The following CHEK2 variants were observed in gnomAD, a reference collection of about 807,000 sequenced individuals.
The protein encoded by CHEK2 is serine/threonine-protein kinase Chk2.
CHEK2 carries 71 observed loss-of-function variants against 69.1 expected under a neutral mutation model. That is an observed-to-expected ratio of 1.03 (90% CI 0.85 to 1.25). The LOEUF (loss-of-function observed/expected upper bound fraction) is 1.25. Among genes scored for constraint, CHEK2 ranks in the 50% most tolerant of loss-of-function variants. CHEK2 has a pLI of 0.00. For synonymous variants in CHEK2, 189 were observed against 226.9 expected (o/e 0.83, Z 1.50); for missense variants, 664 against 649.6 (o/e 1.02, Z -0.24).
At chr22:28,715,397 T>TTTTA (rs3029446) in intron 5 of CHEK2, among the ~76,000 whole-genome samples, 93,678 of 148,942 alleles carry the variant, frequency 0.63, 30,111 homozygotes, top group South Asian at 0.79. Context: ...TTATTTTTAT[T>TTTTA]TTTATTTATT....
At chr22:28,730,953 T>C (rs1283709911) in intron 2 of CHEK2, among the ~76,000 whole-genome samples, 1 of 152,136 alleles carries the variant, frequency 6.6e-6, no homozygotes, top group Non-Finnish European at 1.5e-5. Context: ...CCTGTAATCC[T>C]AACACTTTGG....
chr22:28,713,037 AT>A (rs1197482205), intron 5 of CHEK2, among the ~76,000 whole-genome samples: 1 of 152,156 alleles, frequency 6.6e-6, no homozygotes, highest in Non-Finnish European at 1.5e-5. Flanking sequence ...CTTTCTCTAA[AT>A]ATTGATTTGC....
Position 28,702,388 on chromosome 22 carries a change from A to G in CHEK2, c.908+1117T>C, listed in dbSNP as rs182075939. ...CGAGTAGCTGGGACTACAGGAGCCC[A>G]CCACCACACCCAGCTAATTTTTTGT... On this transcript the variant is annotated intron_variant, in intron 8 of 14. Transcript: ENST00000404276. Among the ~76,000 whole-genome samples, 821 of 149,734 alleles carry G rather than the reference A, an allele frequency of 5.5e-3. 10 individuals carry two copies. Among genetic ancestry groups the G allele is most frequent in the Non-Finnish European group, 7.5e-3 (503 of 67,488 alleles).
rs199585274 is a variant in CHEK2, at chr22:28,741,706, CA to C, written c.-7+62del. Reference sequence around the variant, plus strand: ...CGAAGCTCAGGAGACTCCGTTCGCACAAAACGCTTAAGATGGGATTCGAACC... The same window carrying C: ...CGAAGCTCAGGAGACTCCGTTCGCACAAACGCTTAAGATGGGATTCGAACC... On this transcript the variant is annotated intron_variant, in intron 1 of 14. Coordinates refer to ENST00000404276, the MANE Select transcript of CHEK2 (RefSeq NM_007194.4). 0.012 allele frequency: 2,834 copies of C among 245,694 alleles called. 40 individuals carry two copies. Among genetic ancestry groups the C allele is most frequent in the Non-Finnish European group, 0.013 (1,541 of 122,606 alleles). The allele number at this position is 245,694 out of a possible 1,614,324, so 15.2% of individuals were successfully genotyped here.
chr22:28,736,815 C>A (rs989209471), intron 1 of CHEK2, among the ~76,000 whole-genome samples: 1 of 133,098 alleles, frequency 7.5e-6, no homozygotes, highest in African/African-American at 2.9e-5. Flanking sequence ...TGATGGCATG[C>A]AGCTGTGGGC....
At chr22:28,741,690 G>C (rs2054560444) in intron 1 of CHEK2, 79 bp downstream of exon 1, 1 of 233,702 alleles carries the variant, frequency 4.3e-6, no homozygotes, top group African/African-American at 2.3e-5. Context: ...GCGAAGCTCA[G>C]GAGACTCCGT....
At chr22:28,722,539 C>CAAAAAAAA (rs755107963) in intron 4 of CHEK2, among the ~76,000 whole-genome samples, 5 of 67,922 alleles carry the variant, frequency 7.4e-5, no homozygotes, top group South Asian at 5.1e-4. Flanking sequence ...GACTCCGTCT[C>CAAAAAAAA]AAAAAAAAAA....
At position 28,719,477 on chromosome 22, in the gene CHEK2, AG is replaced by A. The variant is rs1555924538; in HGVS notation, c.600del (p.Phe202LeufsTer3). ...ALSLSRNKVF[V>X]FFDLTVDDQS... ...TGATCATCTACAGTCAGATCAAAAA[AG>A]ACAAAAACTAAGGAAGAAAAGAGTA... On this transcript the variant is annotated frameshift_variant, in exon 5 of 15. Coordinates refer to ENST00000404276, the MANE Select transcript of CHEK2 (RefSeq NM_007194.4). LOFTEE classifies it high-confidence loss of function. 1 of 1,581,110 alleles carries A rather than the reference AG, an allele frequency of 6.3e-7. No homozygotes were observed. Among genetic ancestry groups the A allele is most frequent in the Non-Finnish European group, 8.6e-7 (1 of 1,157,012 alleles).
intron 2 of CHEK2, 137 bp from the exon 3 acceptor site, chr22:28,725,504 C>G (rs2053973279): frequency 9.1e-7 from 1 of 1,104,934 alleles, no homozygotes; most frequent in Non-Finnish European, 1.4e-6. Context: ...CAAGATTTTA[C>G]AAGATTAAAA....
rs2145793726 is a variant in CHEK2, at chr22:28,695,160, TG to T, written c.1341del (p.Phe447LeufsTer22). ...GAGACTTCTGCCCAGACTTCAGGAA[TG>T]AAGTTGTATTTTCCACTGGTGATCT... ...KDQITSGKYNFIPEVWAEVSE... is the reference protein window; with the variant it reads ...KDQITSGKYNXIPEVWAEVSE... On this transcript the variant is annotated frameshift_variant, in exon 12 of 15. Transcript: ENST00000404276. LOFTEE classifies it high-confidence loss of function. 6.2e-7 allele frequency: 1 copy of T among 1,613,244 alleles called. No homozygotes were observed. The highest frequency in any genetic ancestry group is 8.5e-7 in the Non-Finnish European group (1 of 1,179,260).
intron 6 of CHEK2, among the ~76,000 whole-genome samples, chr22:28,711,350 G>C (rs1278193744): frequency 2.0e-5 from 3 of 152,132 alleles, no homozygotes; most frequent in Non-Finnish European, 4.4e-5. Flanking sequence ...TTACCTAAAT[G>C]ATCAGCCAGA....
rs1601723767 is a variant in CHEK2 at position 28,695,873 on chromosome 22, T to C, written c.1096A>G (p.Ile366Val). 1 of 1,609,986 alleles carries C rather than the reference T, an allele frequency of 6.2e-7. No homozygotes were observed. The highest frequency in any genetic ancestry group is 1.7e-5 in the Admixed American group (1 of 59,992). ...ATCTTGGAGTGCCCAAAATCAGTAA[T>C]CTAAAATTCAGTACAAAAGGGAATA... ...SSQEEDCLIKITDFGHSKILG... is the reference protein window; with the variant it reads ...SSQEEDCLIKVTDFGHSKILG... The change falls in exon 11 of 15, where the codon ATT becomes GTT. Residue 366 changes from isoleucine to valine, a missense_variant and splice_region_variant. Physicochemically the swap from Ile to Val is conservative, Grantham distance 29. Coordinates refer to ENST00000404276, the MANE Select transcript of CHEK2 (RefSeq NM_007194.4).
intron 1 of CHEK2, among the ~76,000 whole-genome samples, chr22:28,735,800 C>T (rs4352308): frequency 0.68 from 102,983 of 151,742 alleles, 35,569 homozygotes; most frequent in South Asian, 0.84. Context: ...GAGAATTGCT[C>T]GAGCCCAGGA....
chr22:28,739,350 TA>T (rs1451974537), intron 1 of CHEK2, among the ~76,000 whole-genome samples: 1 of 150,740 alleles, frequency 6.6e-6, no homozygotes, highest in Non-Finnish European at 1.5e-5. Context: ...ACAGGTATAT[TA>T]AAAAAATGCT....
At chr22:28,708,363 A>ATGTGTGTGTGTGTG (rs10694007) in intron 7 of CHEK2, among the ~76,000 whole-genome samples, 4,279 of 139,490 alleles carry the variant, frequency 0.031, 85 homozygotes, top group Non-Finnish European at 0.043. Flanking sequence ...CTCTAAAAAT[A>ATGTGTGTGTGTGTG]TGTGTGTGTG....
rs778989252 is a variant in CHEK2 at position 28,695,187 on chromosome 22, G to C, written c.1315C>G (p.Gln439Glu). Residue 439 changes from glutamine to glutamate, a missense_variant, in exon 12 of 15, where the codon CAG (glutamine) becomes GAG (glutamate). Coordinates refer to ENST00000404276, the MANE Select transcript of CHEK2 (RefSeq NM_007194.4). ...AAGTTGTATTTTCCACTGGTGATCTGATCCTTCAGTGACACTTGAGTCCTA... is the reference window on the plus strand; with the variant it reads ...AAGTTGTATTTTCCACTGGTGATCTCATCCTTCAGTGACACTTGAGTCCTA... ...EHRTQVSLKDQITSGKYNFIP... is the reference protein window; with the variant it reads ...EHRTQVSLKDEITSGKYNFIP... 1 of 1,613,456 alleles carries C rather than the reference G, an allele frequency of 6.2e-7. No homozygotes were observed. Among genetic ancestry groups the C allele is most frequent in the South Asian group, 1.1e-5 (1 of 91,048 alleles).
chr22:28,725,706 T>TA (rs1423280833), intron 2 of CHEK2, among the ~76,000 whole-genome samples: 1 of 151,594 alleles, frequency 6.6e-6, no homozygotes, highest in East Asian at 2.0e-4. Context: ...ACCAAGAATT[T>TA]AAAAATTAGT....
At chr22:28,725,982 A>T (rs2053995507) in intron 2 of CHEK2, among the ~76,000 whole-genome samples, 1 of 150,712 alleles carries the variant, frequency 6.6e-6, no homozygotes, top group Non-Finnish European at 1.5e-5. Flanking sequence ...AGACGAATGG[A>T]TCACGAGGTC....
At chr22:28,694,449 ACT>A (rs530696174) in intron 12 of CHEK2, among the ~76,000 whole-genome samples, 156 of 152,232 alleles carry the variant, frequency 1.0e-3, no homozygotes, top group Middle Eastern at 3.4e-3. Context: ...TGCACAGCAA[ACT>A]CTCTCTGACA....
Sources: gnomAD v4.1 joint callset for allele counts (sites outside exome capture counted in the v4.1 genomes callset) on GRCh38, gnomAD v4.1.1 for gene constraint, MANE v1.5 for transcripts, NCBI Gene and HGNC (gene_info 2026-07-23, HGNC 2026-07-21) for gene names.